Variants in KCNN3 observed in about 807,000 individuals in gnomAD.
KCNN3 encodes the protein potassium calcium-activated channel subfamily N member 3, also known as small conductance calcium-activated potassium channel protein 3.
A neutral mutation model predicts 62.9 loss-of-function variants in KCNN3; 16 were observed. The observed-to-expected ratio is 0.25, with a 90% CI of 0.17 to 0.39. KCNN3 has a LOEUF of 0.39. Ranked by LOEUF, KCNN3 falls within the 10% of genes least tolerant of loss-of-function variation. The probability of loss-of-function intolerance (pLI) is 1.00; values close to 1 mark genes in which losing one functional copy is unlikely to be tolerated. For missense variants in KCNN3, 599 were observed against 949.4 expected, an observed-to-expected ratio of 0.63 and a Z score of 4.85; for synonymous variants, 370 against 389.2, an observed-to-expected ratio of 0.95 and a Z score of 0.58.
intron 3 of KCNN3, among the ~76,000 whole-genome samples, chr1:154,741,710 T>TAAA (rs5777929): frequency 3.4e-5 from 5 of 145,582 alleles, no homozygotes; most frequent in African/African-American, 7.6e-5. Flanking sequence ...ACTAGTTTTG[T>TAAA]AAAAAAAAAA....
chr1:154,787,850 C>T (rs972965846), intron 2 of KCNN3, among the ~76,000 whole-genome samples: 9 of 127,836 alleles, frequency 7.0e-5, no homozygotes, highest in Non-Finnish European at 1.2e-4. Flanking sequence ...GCCCACGCTG[C>T]CACTTTCTCT....
At position 154,855,464 on chromosome 1, in the gene KCNN3, T is replaced by A. The variant is rs1652483304; in HGVS notation, c.933+13568A>T. On this transcript the variant is annotated intron_variant, in intron 1 of 7. Coordinates refer to ENST00000271915, the MANE Select transcript of KCNN3 (RefSeq NM_002249.6). ...TAAGTGCCCTATACAGGTGTAGTAT[T>A]TTGTATCCATTGTACAGTATTTCTA... Among the ~76,000 whole-genome samples the A allele has an allele frequency of 2.0e-5, 3 of 152,178 alleles. No homozygotes were observed. The South Asian group carries it at 6.2e-4, about 31-fold the overall frequency.
intron 6 of KCNN3, among the ~76,000 whole-genome samples, chr1:154,714,608 GT>G: frequency 2.6e-4 from 6 of 23,040 alleles, no homozygotes; most frequent in Non-Finnish European, 9.0e-5. Context: ...GATGTGTGGT[GT>G]GTGGTGTGTG....
At chr1:154,741,192 C>T (rs1006760639) in intron 3 of KCNN3, among the ~76,000 whole-genome samples, 2 of 152,222 alleles carry the variant, frequency 1.3e-5, no homozygotes, top group Non-Finnish European at 2.9e-5. Flanking sequence ...CTCAGTTTCA[C>T]TTAATGTGCA....
At chr1:154,787,832 C>T (rs1649350574) in intron 2 of KCNN3, among the ~76,000 whole-genome samples, 1 of 149,590 alleles carries the variant, frequency 6.7e-6, no homozygotes, top group Non-Finnish European at 1.5e-5. Flanking sequence ...CCCAGGCCTG[C>T]TTCCAGGGCC....
chr1:154,754,855 T>C (rs1467333234), intron 3 of KCNN3, among the ~76,000 whole-genome samples: 1 of 152,132 alleles, frequency 6.6e-6, no homozygotes, highest in Non-Finnish European at 1.5e-5. Flanking sequence ...TACTAACGGG[T>C]AAAGTTCCTG....
At chr1:154,807,450 G>A (rs114124430) in intron 2 of KCNN3, among the ~76,000 whole-genome samples, 4,023 of 152,266 alleles carry the variant, frequency 0.026, 60 homozygotes, top group Non-Finnish European at 0.032. Context: ...TCGGCTTTGG[G>A]TGATGTCACT....
Position 154,773,034 on chromosome 1 carries a change from CA to C in KCNN3, c.1030-642del, listed in dbSNP as rs143417656. Among the ~76,000 whole-genome samples, 94 of 152,180 alleles carry C rather than the reference CA, an allele frequency of 6.2e-4. No homozygotes were observed. The East Asian group carries it at 0.016, about 25-fold the overall frequency. On this transcript the variant is annotated intron_variant, in intron 2 of 7. Coordinates refer to ENST00000271915, the MANE Select transcript of KCNN3 (RefSeq NM_002249.6). Reference sequence around the variant, plus strand: ...GTTTTTTTAACTTTTATTTTAGGTTCAGGGGTACATGTGCAAGTTTGCTATA... The same window carrying C: ...GTTTTTTTAACTTTTATTTTAGGTTCGGGGTACATGTGCAAGTTTGCTATA...
chr1:154,839,308 G>C (rs1651730292), intron 1 of KCNN3, among the ~76,000 whole-genome samples: 1 of 152,160 alleles, frequency 6.6e-6, no homozygotes. Flanking sequence ...CACCAGAAGG[G>C]GAACAGATCC....
chr1:154,732,198 G>A (rs1252385503), intron 4 of KCNN3, among the ~76,000 whole-genome samples: 1 of 152,214 alleles, frequency 6.6e-6, no homozygotes, highest in East Asian at 1.9e-4. Context: ...AGAGTGCCTG[G>A]CCCAGGGTCC....
chr1:154,780,571 A>G (rs1385137030), intron 2 of KCNN3, among the ~76,000 whole-genome samples: 1 of 103,140 alleles, frequency 9.7e-6, no homozygotes, highest in Non-Finnish European at 2.0e-5. Flanking sequence ...CTTAAGATAT[A>G]TTATTTATAT....
chr1:154,784,159 C>A (rs1166096622), intron 2 of KCNN3, among the ~76,000 whole-genome samples: 2 of 152,138 alleles, frequency 1.3e-5, no homozygotes, highest in Non-Finnish European at 2.9e-5. Context: ...CCCGGCCAAT[C>A]CTTGGGTTGC....
chr1:154,835,099 G>A (rs140195255), intron 1 of KCNN3, among the ~76,000 whole-genome samples: 5 of 152,226 alleles, frequency 3.3e-5, no homozygotes, highest in African/African-American at 1.2e-4. Context: ...TCTATTCAAT[G>A]AGACTAAAAA....
intron 5 of KCNN3, among the ~76,000 whole-genome samples, chr1:154,718,844 C>G (rs1402533683): frequency 6.6e-6 from 1 of 152,200 alleles, no homozygotes; most frequent in Non-Finnish European, 1.5e-5. Flanking sequence ...AACATTAGCA[C>G]AGATCCTGGC....
At chr1:154,712,981 TGCC>T (rs1456718895) in intron 7 of KCNN3, among the ~76,000 whole-genome samples, 2 of 152,140 alleles carry the variant, frequency 1.3e-5, no homozygotes, top group African/African-American at 4.8e-5. Flanking sequence ...CACACACCAC[TGCC>T]GCCAATTTGA....
intron 5 of KCNN3, among the ~76,000 whole-genome samples, chr1:154,719,782 C>T (rs1261630913): frequency 6.6e-6 from 1 of 152,120 alleles, no homozygotes; most frequent in Non-Finnish European, 1.5e-5. Flanking sequence ...CCCCGGCTGC[C>T]CTCTCTTTCA....
chr1:154,802,050 T>C (rs6690481), intron 2 of KCNN3, among the ~76,000 whole-genome samples: 1,937 of 152,234 alleles, frequency 0.013, 40 homozygotes, highest in African/African-American at 0.042. Flanking sequence ...GATGAAATAA[T>C]AATAGTAACA....
chr1:154,765,766 C>A (rs1014586662), intron 3 of KCNN3, among the ~76,000 whole-genome samples: 3 of 151,682 alleles, frequency 2.0e-5, no homozygotes, highest in African/African-American at 7.3e-5. Flanking sequence ...TCTACAGATG[C>A]ACCACCACTC....
intron 4 of KCNN3, among the ~76,000 whole-genome samples, chr1:154,728,188 G>A (rs1341360868): frequency 6.6e-6 from 1 of 152,170 alleles, no homozygotes; most frequent in Non-Finnish European, 1.5e-5. Flanking sequence ...TGATTGCAGG[G>A]GGGGCTTTTA....
Sources: gnomAD v4.1 joint callset for allele counts (sites outside exome capture counted in the v4.1 genomes callset) on GRCh38, gnomAD v4.1.1 for gene constraint, MANE v1.5 for transcripts, NCBI Gene and HGNC (gene_info 2026-07-23, HGNC 2026-07-21) for gene names.